NAA16: variants seen among roughly 807,000 people sequenced by gnomAD.
NAA16 encodes N-alpha-acetyltransferase 16, NatA auxiliary subunit.
Under a neutral mutation model 110.3 loss-of-function variants are expected in NAA16, and 97 were observed. That is an observed-to-expected ratio of 0.88 (90% confidence interval 0.75 to 1.04). The LOEUF (loss-of-function observed/expected upper bound fraction) is 1.04, where lower values mean the gene tolerates loss of function less well. Among genes scored for constraint, NAA16 ranks in the 50% least tolerant of loss-of-function variants. The pLI is 0.00. For synonymous variants in NAA16, 372 were observed against 330.6 expected, an observed-to-expected ratio of 1.13 and a Z score of -1.36; for missense variants, 1,017 against 1,005.1, an observed-to-expected ratio of 1.01 and a Z score of -0.16.
chr13:41,346,022 T>A (rs2042672056), intron 9 of NAA16, among the ~76,000 whole-genome samples: 1 of 152,242 alleles, frequency 6.6e-6, no homozygotes. Context: ...AAGTCCAGCT[T>A]ATCTTTTTTT....
At chr13:41,327,855 C>A (rs1476537691) in intron 6 of NAA16, 1 of 151,636 alleles carries the variant, frequency 6.6e-6, no homozygotes, top group African/African-American at 2.4e-5. Flanking sequence ...GTAATTATTC[C>A]TAGTTCAGTC....
At chr13:41,355,306 A>G in intron 10 of NAA16, 90 bp downstream of exon 10, 1 of 709,076 alleles carries the variant, frequency 1.4e-6, no homozygotes, top group African/African-American at 1.8e-5. Flanking sequence ...TGTGTGTGCT[A>G]CCTAATGGCT....
chr13:41,312,800 ATAT>A lies in NAA16; in HGVS notation c.54+1222_54+1224del, dbSNP rs140105730. Among the ~76,000 whole-genome samples, 1,087 of 152,310 alleles carry A rather than the reference ATAT, an allele frequency of 7.1e-3. 16 individuals are homozygous for A. The highest frequency in any genetic ancestry group is 0.024 in the African/African-American group (1,005 of 41,566). ...ATAGTAGATGGGATAAAAATTTTAA[ATAT>A]TATGTGGTGCTTAGTTTTGAACCAA... On this transcript the variant is annotated intron_variant, in intron 1 of 19. Coordinates refer to ENST00000379406, the MANE Select transcript of NAA16 (RefSeq NM_024561.5).
intron 12 of NAA16, among the ~76,000 whole-genome samples, chr13:41,360,405 C>G (rs2043088397): frequency 6.6e-6 from 1 of 152,052 alleles, no homozygotes; most frequent in East Asian, 1.9e-4. Context: ...ATAAGCGATA[C>G]TAAATCTATG....
At chr13:41,323,643 C>A (rs566995422) in intron 5 of NAA16, among the ~76,000 whole-genome samples, 1 of 151,580 alleles carries the variant, frequency 6.6e-6, no homozygotes, top group African/African-American at 2.4e-5. Flanking sequence ...TGAGCCACCG[C>A]GCCCGGCCAT....
intron 9 of NAA16, among the ~76,000 whole-genome samples, chr13:41,352,151 G>A (rs1014264343): frequency 5.3e-5 from 8 of 152,246 alleles, no homozygotes; most frequent in East Asian, 1.9e-4. Flanking sequence ...AGACCAGCCC[G>A]GGCAACAGGG....
intron 1 of NAA16, among the ~76,000 whole-genome samples, chr13:41,311,830 C>G (rs1041276798): frequency 6.6e-6 from 1 of 152,238 alleles, no homozygotes; most frequent in Non-Finnish European, 1.5e-5. Flanking sequence ...CGCGCTCTTT[C>G]CAGAAACTTC....
intron 10 of NAA16, among the ~76,000 whole-genome samples, chr13:41,356,391 TATTTAAAACAC>T (rs2042986126): frequency 2.0e-5 from 3 of 150,738 alleles, no homozygotes; most frequent in East Asian, 2.0e-4. Context: ...TGTGCATCTC[TATTTAAAACAC>T]GTAAACAGAA....
rs758373212 is a variant in NAA16, at chr13:41,375,613, A to G, written c.*11A>G. The G allele has an allele frequency of 3.7e-6, 6 of 1,606,074 alleles. No individual in the cohort carries two copies. In the South Asian group the frequency reaches 5.5e-5, roughly 15 times the overall value. ...GCAAATGAAATTTGAAATCTTCTAG[A>G]AAGTAGACTCCTATAGACTCAAAGC... is the stretch of plus-strand genomic sequence containing the variant. On this transcript the variant is annotated 3_prime_UTR_variant, in exon 20 of 20. Coordinates refer to ENST00000379406, the MANE Select transcript of NAA16 (RefSeq NM_024561.5).
Position 41,369,118 on chromosome 13 carries a change from A to G in NAA16, c.1782A>G (p.Lys594=). The change falls in exon 15 of 20, where the codon AAA becomes AAG. Residue 594 remains lysine (K), a synonymous_variant. Coordinates refer to ENST00000379406, the MANE Select transcript of NAA16 (RefSeq NM_024561.5). The part of the protein sequence containing the change: ...SENLSAKELK[K]MLSKQRRAQK... ...ACTTGTCAGCCAAAGAATTGAAGAA[A>G]ATGCTTAGCAAGCAGAGAAGAGCTC... is the stretch of plus-strand genomic sequence containing the variant. 1.9e-6 allele frequency: 3 copies of G among 1,568,628 alleles called. No homozygotes were observed. Among genetic ancestry groups the G allele is most frequent in the Non-Finnish European group, 1.7e-6 (2 of 1,167,124 alleles).
chr13:41,312,566 C>T (rs1419384203), intron 1 of NAA16, among the ~76,000 whole-genome samples: 2 of 152,106 alleles, frequency 1.3e-5, no homozygotes, highest in African/African-American at 4.8e-5. Flanking sequence ...TGAAAAAAAG[C>T]TTTTATTTGC....
At chr13:41,316,676 A>G (rs147033874) in intron 1 of NAA16, among the ~76,000 whole-genome samples, 170 bp from the exon 2 acceptor site, 125 of 152,284 alleles carry the variant, frequency 8.2e-4, no homozygotes, top group African/African-American at 2.8e-3. Flanking sequence ...TTTTAGAACA[A>G]TTTGACAAGA....
chr13:41,348,550 T>C (rs1186523411), intron 9 of NAA16, among the ~76,000 whole-genome samples: 1 of 152,180 alleles, frequency 6.6e-6, no homozygotes, highest in African/African-American at 2.4e-5. Context: ...TTCGATTTGC[T>C]AGTGTTTTGT....
Position 41,327,816 on chromosome 13 carries a change from C to T in NAA16, c.692-908C>T, listed in dbSNP as rs1283090451. ...TGCTGTCACAAAGGCACTTTCTCCA[C>T]GTCACAAAACTAGTTAGTGGTGGAG... On this transcript the variant is annotated intron_variant, in intron 6 of 19. Coordinates refer to ENST00000379406, the MANE Select transcript of NAA16 (RefSeq NM_024561.5). 3.3e-5 allele frequency: 5 copies of T among 151,626 alleles called. No individual in the cohort carries two copies. The South Asian group carries it at 6.2e-4, about 19-fold the overall frequency. The allele number at this position is 151,626 out of a possible 1,614,324, so 9.4% of individuals were successfully genotyped here. A position where few individuals can be genotyped will look rare whatever the true frequency, so the allele number is the denominator to read the frequency against.
Position 41,373,655 on chromosome 13 carries a change from T to A in NAA16, c.2174T>A (p.Leu725His), listed in dbSNP as rs890727228. The change falls in exon 18 of 20, where the codon CTT becomes CAT. Residue 725 changes from leucine to histidine, a missense_variant. By Grantham distance (99) the Leu-to-His change is moderately conservative (BLOSUM62 -3). Transcript: ENST00000379406. ...FSKSVSNHSN[L>H]PDIVSKVLSQ... ...TTTATAGTGTCTAATCATAGTAATC[T>A]TCCAGACATTGTGAGCAAAGTTCTA... The A allele has an allele frequency of 9.3e-6, 15 of 1,605,370 alleles. No individual in the cohort carries two copies. Among genetic ancestry groups the A allele is most frequent in the Non-Finnish European group, 1.3e-5 (15 of 1,176,600 alleles).
intron 13 of NAA16, 60 bp downstream of exon 13, chr13:41,362,219 T>C (rs940047667): frequency 3.3e-6 from 5 of 1,524,574 alleles, no homozygotes; most frequent in Non-Finnish European, 4.4e-6. Flanking sequence ...GCAGGTAGAT[T>C]TCTACACAGG....
chr13:41,362,733 C>G (rs575495212), intron 13 of NAA16: 2 of 1,289,776 alleles, frequency 1.6e-6, no homozygotes, highest in Non-Finnish European at 1.0e-6. Flanking sequence ...CTCTGAAGCA[C>G]TCTCCTTCCA....
chr13:41,372,732 G>A lies in NAA16; in HGVS notation c.2057G>A (p.Gly686Glu). ...LLAFEIYFRK[G>E]KFLLMLQSVK... ...TACTTTTGTATTTTTTCTGACACAG[G>A]AAAGTTTCTGTTAATGCTGCAGTCT... is the stretch of plus-strand genomic sequence containing the variant. The change falls in exon 17 of 20, where the codon GGA becomes GAA. Residue 686 changes from glycine to glutamate, a missense_variant and splice_region_variant. By Grantham distance (98) the Gly-to-Glu change is moderately conservative. Transcript: ENST00000379406. 1.3e-6 allele frequency: 2 copies of A among 1,587,834 alleles called. No homozygotes were observed. Among genetic ancestry groups the A allele is most frequent in the South Asian group, 1.2e-5 (1 of 86,836 alleles).
intron 9 of NAA16, among the ~76,000 whole-genome samples, chr13:41,340,048 A>G (rs1432227114): frequency 6.6e-6 from 1 of 152,148 alleles, no homozygotes; most frequent in Non-Finnish European, 1.5e-5. Flanking sequence ...TTTATAAATA[A>G]GAATAAAATA....
Sources: allele counts gnomAD v4.1 joint callset (sites outside exome capture counted in the v4.1 genomes callset), GRCh38; gene constraint gnomAD v4.1.1; transcripts MANE v1.5; gene names NCBI Gene and HGNC (gene_info 2026-07-23, HGNC 2026-07-21).